Variants in ATP8A1 observed in about 807,000 individuals in gnomAD.
ATP8A1 encodes the protein phospholipid-transporting ATPase IA.
Under a neutral mutation model 177.7 loss-of-function variants are expected in ATP8A1, and 90 were observed. That is an observed-to-expected ratio of 0.51 (90% CI 0.43 to 0.60). The LOEUF (loss-of-function observed/expected upper bound fraction) is 0.60, where lower values mean the gene tolerates loss of function less well. Among genes scored for constraint, ATP8A1 ranks in the 20% least tolerant of loss-of-function variants. The pLI is 0.00. For synonymous variants in ATP8A1, 493 were observed against 485.9 expected (o/e 1.01, Z -0.19); for missense variants, 1,072 against 1,392.8 (o/e 0.77, Z 3.67).
intron 27 of ATP8A1, among the ~76,000 whole-genome samples, chr4:42,463,445 T>C (rs998635435): frequency 2.0e-5 from 3 of 152,222 alleles, no homozygotes; most frequent in African/African-American, 7.2e-5. Context: ...TCCTCCATGA[T>C]TGTGAGGCCT....
chr4:42,440,335 G>GTTTTTTT (rs35291607), intron 33 of ATP8A1, among the ~76,000 whole-genome samples: 1 of 135,500 alleles, frequency 7.4e-6, no homozygotes, highest in Admixed American at 7.5e-5. Flanking sequence ...AGCTCCTCCA[G>GTTTTTTT]TTTTTTTTTT....
At chr4:42,506,948 T>G in intron 23 of ATP8A1, 68 bp downstream of exon 23, 1 of 1,523,106 alleles carries the variant, frequency 6.6e-7, no homozygotes, top group Non-Finnish European at 9.0e-7. Context: ...ATGTCTCAAA[T>G]CCATCTTCTG....
chr4:42,578,119 T>C (rs1030428861), intron 12 of ATP8A1, 141 bp downstream of exon 12: 4 of 783,880 alleles, frequency 5.1e-6, no homozygotes, highest in Admixed American at 7.7e-5. Context: ...TGAGGAACTT[T>C]GCAACAAATT....
At position 42,543,934 on chromosome 4, in the gene ATP8A1, G is replaced by A. The variant is rs1162686693; in HGVS notation, c.1705C>T (p.Leu569Phe). 1 of 1,612,426 alleles carries A rather than the reference G, an allele frequency of 6.2e-7. No individual in the cohort carries two copies. The highest frequency in any genetic ancestry group is 1.7e-5 in the Admixed American group (1 of 59,944). Residue 569 changes from leucine (L) to phenylalanine (F), a missense_variant, in exon 20 of 37, where the codon CTC becomes TTC. Coordinates refer to ENST00000381668, the MANE Select transcript of ATP8A1 (RefSeq NM_006095.2). ...IVRTPSGKLR[L>F]YCKGADTVIY... is the part of the protein sequence containing the mutation. ...AAACTTACAGCTCCTTTGCAGTAGAGTCGTAACTTTCCAGATGGAGTGCGA... is the reference window on the plus strand; with the variant it reads ...AAACTTACAGCTCCTTTGCAGTAGAATCGTAACTTTCCAGATGGAGTGCGA...
chr4:42,543,859 C>A (rs1728633267), intron 20 of ATP8A1, 58 bp downstream of exon 20: 1 of 1,276,122 alleles, frequency 7.8e-7, no homozygotes, highest in Non-Finnish European at 1.1e-6. Context: ...GAATGCCTAA[C>A]ATATACATTA....
chr4:42,506,938 A>G, intron 23 of ATP8A1, 78 bp downstream of exon 23: 1 of 1,478,266 alleles, frequency 6.8e-7, no homozygotes, highest in Non-Finnish European at 9.2e-7. Context: ...AGATCTTGAA[A>G]TGTCTCAAAT....
chr4:42,480,975 T>C (rs986083241), intron 25 of ATP8A1, among the ~76,000 whole-genome samples: 8 of 152,218 alleles, frequency 5.3e-5, no homozygotes, highest in Non-Finnish European at 1.0e-4. Flanking sequence ...TTCAACCAAC[T>C]GTCACAGAAC....
intron 19 of ATP8A1, among the ~76,000 whole-genome samples, chr4:42,548,289 A>G (rs1729130510): frequency 6.6e-6 from 1 of 152,178 alleles, no homozygotes; most frequent in Admixed American, 6.5e-5. Flanking sequence ...TCTCCACCCC[A>G]CATAAATCTG....
In ATP8A1 at chr4:42,464,812, G is replaced by A; in HGVS notation, c.2509-12C>T. The A allele has an allele frequency of 1.9e-6, 3 of 1,610,964 alleles. No homozygotes were observed. The highest frequency in any genetic ancestry group is 2.5e-6 in the Non-Finnish European group (3 of 1,177,788). ...TTCAAATATTTGAACTAAAACAAGAGTGGGAAAAAATTAGTATTTTCCTTT... is the reference window on the plus strand; with the variant it reads ...TTCAAATATTTGAACTAAAACAAGAATGGGAAAAAATTAGTATTTTCCTTT... On this transcript the variant is annotated splice_polypyrimidine_tract_variant and intron_variant, in intron 26 of 36. Transcript: ENST00000381668.
intron 22 of ATP8A1, among the ~76,000 whole-genome samples, chr4:42,511,023 G>A (rs549872764): frequency 6.6e-6 from 1 of 152,152 alleles, no homozygotes; most frequent in Non-Finnish European, 1.5e-5. Context: ...CAGCAAAATT[G>A]TAATGGGTCT....
At chr4:42,475,088 A>G (rs1164428854) in intron 25 of ATP8A1, among the ~76,000 whole-genome samples, 2 of 152,210 alleles carry the variant, frequency 1.3e-5, no homozygotes, top group Admixed American at 6.5e-5. Flanking sequence ...CAAGGCACAA[A>G]CAATATTTAT....
chr4:42,426,633 T>C (rs1013365760), intron 33 of ATP8A1, among the ~76,000 whole-genome samples: 3 of 152,258 alleles, frequency 2.0e-5, no homozygotes, highest in African/African-American at 4.8e-5. Flanking sequence ...TAACAAACTT[T>C]CTTCATTTCA....
intron 15 of ATP8A1, among the ~76,000 whole-genome samples, chr4:42,560,760 G>A (rs1730734914): frequency 2.6e-5 from 4 of 151,968 alleles, no homozygotes; most frequent in South Asian, 2.1e-4. Context: ...TTTAGGAGCT[G>A]GTAGCCTGCA....
chr4:42,426,602 T>C (rs895812937), intron 33 of ATP8A1, among the ~76,000 whole-genome samples: 2 of 152,256 alleles, frequency 1.3e-5, no homozygotes, highest in Non-Finnish European at 1.5e-5. Flanking sequence ...GTTTGTAAAG[T>C]GGCTGCATAA....
At chr4:42,595,278 G>A (rs558718462) in intron 6 of ATP8A1, among the ~76,000 whole-genome samples, 16 of 152,182 alleles carry the variant, frequency 1.1e-4, no homozygotes, top group Admixed American at 9.8e-4. Context: ...CACTATGAGG[G>A]TAAGAACAGA....
chr4:42,512,154 A>T (rs1453915960), intron 22 of ATP8A1, among the ~76,000 whole-genome samples: 1 of 152,238 alleles, frequency 6.6e-6, no homozygotes, highest in East Asian at 1.9e-4. Flanking sequence ...GTCTAAGGTC[A>T]ACTAGAGGTG....
intron 30 of ATP8A1, among the ~76,000 whole-genome samples, chr4:42,449,921 T>C (rs190640483): frequency 2.1e-3 from 317 of 152,356 alleles, no homozygotes; most frequent in African/African-American, 7.2e-3. Flanking sequence ...CTTTTGATAT[T>C]CAATTTCTTT....
chr4:42,645,039 C>G (rs959770519), intron 1 of ATP8A1, among the ~76,000 whole-genome samples: 2 of 151,856 alleles, frequency 1.3e-5, no homozygotes, highest in Non-Finnish European at 2.9e-5. Context: ...AAGCAGGTTA[C>G]CAAAAAACTA....
chr4:42,646,000 T>C (rs1355187607), intron 1 of ATP8A1, among the ~76,000 whole-genome samples: 3 of 151,106 alleles, frequency 2.0e-5, no homozygotes, highest in African/African-American at 4.9e-5. Context: ...TCGCAGCCAC[T>C]GGAATAACAA....
Sources: allele counts gnomAD v4.1 joint callset (sites outside exome capture counted in the v4.1 genomes callset), GRCh38; gene constraint gnomAD v4.1.1; transcripts MANE v1.5; gene names NCBI Gene and HGNC (gene_info 2026-07-23, HGNC 2026-07-21).